The following TOP3B variants were observed in gnomAD, a reference collection of about 807,000 sequenced individuals.
The protein encoded by TOP3B is DNA topoisomerase III beta.
A neutral mutation model predicts 93.9 loss-of-function variants in TOP3B; 45 were observed. The observed-to-expected ratio is 0.48, with a 90% CI of 0.38 to 0.61. The LOEUF (loss-of-function observed/expected upper bound fraction) is 0.61. Among genes scored for constraint, TOP3B ranks in the 20% least tolerant of loss-of-function variants. The pLI, the probability that TOP3B is intolerant of heterozygous loss-of-function variation, is 0.00. For missense variants in TOP3B, 750 were observed against 1,156.1 expected (o/e 0.65, Z 5.09); for synonymous variants, 357 against 472.6 (o/e 0.76, Z 3.17).
Position 21,959,734 on chromosome 22 carries a change from C to T in TOP3B, c.1657G>A (p.Ala553Thr), listed in dbSNP as rs1397509759. 3.7e-6 allele frequency: 6 copies of T among 1,612,230 alleles called. No individual in the cohort carries two copies. The highest frequency in any genetic ancestry group is 1.3e-5 in the African/African-American group (1 of 74,888). Reference sequence around the variant, plus strand: ...CGGATGGTGGGGAGCACCAGCTCTGCATCTGCAAGTGGGCAGGGGGCAGAT... The same window carrying T: ...CGGATGGTGGGGAGCACCAGCTCTGTATCTGCAAGTGGGCAGGGGGCAGAT... ...VLVHGYYKID[A>T]ELVLPTIRSA... Residue 553 changes from alanine (A) to threonine (T), a missense_variant and splice_region_variant, in exon 15 of 18, where the codon GCA becomes ACA. Ala to Thr is a moderately conservative substitution (Grantham distance 58, BLOSUM62 0). Around this residue, in one of 4 missense-constraint regions of TOP3B, gnomAD observed 737 missense variants for 933.7 expected, o/e 0.79. Coordinates refer to ENST00000357179, the MANE Select transcript of TOP3B (RefSeq NM_001282112.2).
intron 3 of TOP3B, 95 bp from the exon 4 acceptor site, chr22:21,972,813 G>A (rs886625694): frequency 1.8e-4 from 181 of 1,028,680 alleles, no homozygotes; most frequent in Non-Finnish European, 2.5e-4. Flanking sequence ...CACAAATGAG[G>A]AGGGGAAAGC....
Position 21,970,584 on chromosome 22 carries a change from C to T in TOP3B, c.385-178G>A, listed in dbSNP as rs754070529. The T allele has an allele frequency of 1.2e-4, 77 of 653,928 alleles. No homozygotes were observed. Among genetic ancestry groups the T allele is most frequent in the Non-Finnish European group, 2.0e-4 (77 of 384,274 alleles). 40.5% of individuals were successfully genotyped at this position (653,928 alleles called of 1,614,324 possible). On this transcript the variant is annotated intron_variant, in intron 5 of 17. Coordinates refer to ENST00000357179, the MANE Select transcript of TOP3B (RefSeq NM_001282112.2). The surrounding 1 kb of genome is among the most constrained non-coding windows in gnomAD (Gnocchi z 4.4). ...CACCTGCCAGACCCTCCTCTATCCC[C>T]CTGCCTTTCCAGAAGCCCTGAGCAC...
chr22:21,962,091 G>A, intron 13 of TOP3B: 1 of 1,247,802 alleles, frequency 8.0e-7, no homozygotes, highest in Non-Finnish European at 1.0e-6. Context: ...TGGCTGTGTG[G>A]ACTCAGGGGA....
chr22:21,981,970 A>C (rs1417013020), intron 1 of TOP3B, among the ~76,000 whole-genome samples: 1 of 152,206 alleles, frequency 6.6e-6, no homozygotes, highest in Non-Finnish European at 1.5e-5. Context: ...TGTAGTAGGC[A>C]CACCATAGCT....
At chr22:21,966,704 C>T (rs1203681936) in intron 8 of TOP3B, 2 of 152,254 alleles carry the variant, frequency 1.3e-5, no homozygotes, top group African/African-American at 4.8e-5. Context: ...ATCCAAACAA[C>T]TCAACCCCAG....
chr22:21,958,680 C>A lies in TOP3B; in HGVS notation c.1919G>T (p.Arg640Leu). The change falls in exon 17 of 18, where the codon CGC (arginine) becomes CTC (leucine). Residue 640 changes from arginine to leucine, a missense_variant. Arg to Leu is a moderately radical substitution (Grantham distance 102). This residue lies in a region of TOP3B where 737 missense variants were observed against 933.7 expected (regional missense o/e 0.79). Coordinates refer to ENST00000357179, the MANE Select transcript of TOP3B (RefSeq NM_001282112.2). ...CTCATCGCAGTGGGAGCAGTGCAGG[C>A]GGCTTGGCTTGGCCTGCGGCAATGC... ...FMKYIQAKPSRLHCSHCDETY... is the reference protein window; with the variant it reads ...FMKYIQAKPSLLHCSHCDETY... 1 of 1,598,816 alleles carries A rather than the reference C, an allele frequency of 6.3e-7. No individual in the cohort carries two copies. The highest frequency in any genetic ancestry group is 8.6e-7 in the Non-Finnish European group (1 of 1,169,244).
chr22:21,965,126 C>G (rs1266189657), intron 9 of TOP3B, 159 bp downstream of exon 9: 2 of 466,794 alleles, frequency 4.3e-6, no homozygotes, highest in African/African-American at 2.0e-5. Context: ...TGGTGACCAA[C>G]TTTACCACCT....
At chr22:21,960,101 C>G in intron 14 of TOP3B, 1 of 722,266 alleles carries the variant, frequency 1.4e-6, no homozygotes, top group Non-Finnish European at 2.2e-6. Context: ...TTTTTGGTTC[C>G]CTCACACATC....
chr22:21,968,219 T>G, intron 7 of TOP3B: 1 of 235,050 alleles, frequency 4.3e-6, no homozygotes, highest in Non-Finnish European at 8.4e-6. Context: ...TCAGTCACTG[T>G]GCCTAGCTGT....
chr22:21,979,255 G>A (rs1454211769), intron 1 of TOP3B, among the ~76,000 whole-genome samples: 1 of 152,034 alleles, frequency 6.6e-6, no homozygotes, highest in Admixed American at 6.5e-5. Context: ...TCCACAGAGG[G>A]TGTGCTCTGT....
In TOP3B at chr22:21,971,848, G is replaced by GACCAGTT; in HGVS notation, c.384+28_384+29insAACTGGT. On this transcript the variant is annotated intron_variant, in intron 5 of 17. Transcript: ENST00000357179. The surrounding 1 kb of genome is among the most constrained non-coding windows in gnomAD (Gnocchi z 4.6). ...GGGGCTGGTGTCAGAAAGGCCAAAA[G>GACCAGTT]TGAGGAACAAAGTGAGCCTCACACT... The GACCAGTT allele has an allele frequency of 6.2e-7, 1 of 1,612,016 alleles. No individual in the cohort carries two copies. Among genetic ancestry groups the GACCAGTT allele is most frequent in the East Asian group, 2.2e-5 (1 of 44,864 alleles).
In TOP3B at chr22:21,970,191, C is replaced by T. The variant is rs1276930723; in HGVS notation, c.581+19G>A. 4.4e-6 allele frequency: 7 copies of T among 1,604,396 alleles called. No homozygotes were observed. Among genetic ancestry groups the T allele is most frequent in the Non-Finnish European group, 5.9e-6 (7 of 1,178,092 alleles). On this transcript the variant is annotated intron_variant, in intron 6 of 17. Coordinates refer to ENST00000357179, the MANE Select transcript of TOP3B (RefSeq NM_001282112.2). The surrounding 1 kb of genome is among the most constrained non-coding windows in gnomAD (Gnocchi z 4.4). ...GGAGAGTGAGGGTGTGCCCAGGACT[C>T]TGCGGGTGTGGCCAGCACCTGGTGA...
chr22:21,964,159 ACCGTGT>A lies in TOP3B; in HGVS notation c.1094_1098+1del. The A allele has an allele frequency of 6.2e-7, 1 of 1,613,898 alleles. No individual in the cohort carries two copies. Among genetic ancestry groups the A allele is most frequent in the Non-Finnish European group, 8.5e-7 (1 of 1,179,984 alleles). On this transcript the variant is annotated splice_donor_variant and coding_sequence_variant, in exon 10 of 18. Coordinates refer to ENST00000357179, the MANE Select transcript of TOP3B (RefSeq NM_001282112.2). LOFTEE classifies it high-confidence loss of function. ...TGCTGAGGCCGGCCCGGCTCCACTC[ACCGTGT>A]CGGCCCAGTAGGGGTGGTTGGCCTG...
rs1366812951 is a variant in TOP3B, at chr22:21,970,729, T to C, written c.385-323A>G. ...CTTTCATCCCCACCAAATCAGGAAATGCTACTGCCAAGTACATGAGGGACC... is the reference window on the plus strand; with the variant it reads ...CTTTCATCCCCACCAAATCAGGAAACGCTACTGCCAAGTACATGAGGGACC... On this transcript the variant is annotated intron_variant, in intron 5 of 17. Coordinates refer to ENST00000357179, the MANE Select transcript of TOP3B (RefSeq NM_001282112.2). The surrounding 1 kb of genome is among the most constrained non-coding windows in gnomAD (Gnocchi z 4.4). 5.4e-6 allele frequency: 2 copies of C among 372,696 alleles called. No homozygotes were observed. Among genetic ancestry groups the C allele is most frequent in the African/African-American group, 2.0e-5 (1 of 49,048 alleles). The allele number at this position is 372,696 out of a possible 1,614,324, so 23.1% of individuals were successfully genotyped here.
chr22:21,960,712 G>A (rs1356007934), intron 13 of TOP3B: 21 of 484,334 alleles, frequency 4.3e-5, no homozygotes, highest in Admixed American at 2.6e-4. Context: ...CAACAGGCTC[G>A]GAGGTTAAGG....
chr22:21,958,748 C>G, intron 16 of TOP3B, 55 bp from the exon 17 acceptor site: 1 of 1,521,374 alleles, frequency 6.6e-7, no homozygotes, highest in Non-Finnish European at 8.8e-7. Flanking sequence ...CGACTTGGCA[C>G]CCACCCCCAC....
At position 21,965,056 on chromosome 22, in the gene TOP3B, G is replaced by T. The variant is rs1294593828; in HGVS notation, c.943+229C>A. The T allele has an allele frequency of 6.7e-5, 26 of 388,698 alleles. No individual in the cohort carries two copies. In the East Asian group the frequency reaches 9.8e-4, roughly 15 times the overall value. The allele number at this position is 388,698 out of a possible 1,614,324, so 24.1% of individuals were successfully genotyped here. ...TCCCTGAAGGTGACATCTGGCTGGG[G>T]CCTCTCCCCTCACCAGGGATAGCTG... On this transcript the variant is annotated intron_variant, in intron 9 of 17. Transcript: ENST00000357179.
chr22:21,980,641 A>G (rs917902595), intron 1 of TOP3B, among the ~76,000 whole-genome samples: 1 of 152,230 alleles, frequency 6.6e-6, no homozygotes, highest in Non-Finnish European at 1.5e-5. Flanking sequence ...TTGTGGAATG[A>G]CGACACTGTC....
chr22:21,972,035 C>T (rs1237971110), intron 4 of TOP3B, 84 bp from the exon 5 acceptor site: 2 of 1,278,514 alleles, frequency 1.6e-6, no homozygotes, highest in African/African-American at 2.9e-5. Context: ...CAGGACAGGG[C>T]TTGGTCCCAG....
Sources: gnomAD v4.1 joint callset for allele counts (sites outside exome capture counted in the v4.1 genomes callset) on GRCh38, gnomAD v4.1.1 for gene constraint, gnomAD v4.1.1 regional missense constraint, Gnocchi (gnomAD v3.1) non-coding constraint, MANE v1.5 for transcripts, NCBI Gene and HGNC (gene_info 2026-07-23, HGNC 2026-07-21) for gene names.